ZNF276: variants seen among roughly 807,000 people sequenced by gnomAD.
The protein encoded by ZNF276 is zinc finger protein 276, also known as centromere protein Z.
Under a neutral mutation model 63.9 loss-of-function variants are expected in ZNF276, and 59 were observed. The observed-to-expected ratio is 0.92, with a 90% CI of 0.75 to 1.15. The LOEUF (loss-of-function observed/expected upper bound fraction) is 1.15. Among genes scored for constraint, ZNF276 ranks in the 50% most tolerant of loss-of-function variants. The pLI is 0.00. For missense variants in ZNF276, 1,084 were observed against 843.8 expected, an observed-to-expected ratio of 1.28 and a Z score of -3.53; for synonymous variants, 496 against 348.4, an observed-to-expected ratio of 1.42 and a Z score of -4.72.
intron 6 of ZNF276, among the ~76,000 whole-genome samples, chr16:89,729,634 C>G (rs1046154481): frequency 3.3e-5 from 5 of 152,176 alleles, no homozygotes; most frequent in Non-Finnish European, 5.9e-5. Flanking sequence ...GAGGCTCTTA[C>G]GTCCCTTCTG....
At chr16:89,736,551 G>C (rs1388677117) in intron 9 of ZNF276, among the ~76,000 whole-genome samples, 1 of 129,228 alleles carries the variant, frequency 7.7e-6, no homozygotes. Flanking sequence ...GGCTGGTCTT[G>C]AACTGACTTC....
rs572331148 is a variant in ZNF276 at position 89,735,271 on chromosome 16, G to A, written c.1474+1233G>A. Among the ~76,000 whole-genome samples the A allele has an allele frequency of 8.0e-5, 12 of 150,614 alleles. No homozygotes were observed. In the East Asian group the frequency reaches 2.3e-3, roughly 29 times the overall value. On this transcript the variant is annotated intron_variant, in intron 9 of 10. Transcript: ENST00000443381. Reference sequence around the variant, plus strand: ...GGCTAACTTCGGGACTTCAGTATGAGCAGATTTTGGTAAGGGGTGGGGGGG... The same window carrying A: ...GGCTAACTTCGGGACTTCAGTATGAACAGATTTTGGTAAGGGGTGGGGGGG...
At position 89,740,742 on chromosome 16, in the gene ZNF276, C is replaced by T. The variant is rs2062111823; in HGVS notation, c.*2496C>T. ...GAAACCCTGACTTGGAAGCTGGCTG[C>T]CTGGTGCCCCTGCCTGGCCCACAGT... On this transcript the variant is annotated 3_prime_UTR_variant, in exon 11 of 11. Transcript: ENST00000443381. 1 of 1,442,456 alleles carries T rather than the reference C, an allele frequency of 6.9e-7. No homozygotes were observed. The allele number at this position is 1,442,456 out of a possible 1,614,324, so 89.4% of individuals were successfully genotyped here.
At chr16:89,735,361 A>AACTT (rs534395821) in intron 9 of ZNF276, among the ~76,000 whole-genome samples, 60 of 152,238 alleles carry the variant, frequency 3.9e-4, no homozygotes, top group African/African-American at 1.3e-3. Context: ...CTTGGTTTTG[A>AACTT]ACTTATTACA....
chr16:89,723,296 G>C lies in ZNF276; in HGVS notation c.593G>C (p.Gly198Ala). 1 of 1,613,024 alleles carries C rather than the reference G, an allele frequency of 6.2e-7. No homozygotes were observed. Among genetic ancestry groups the C allele is most frequent in the Non-Finnish European group, 8.5e-7 (1 of 1,180,004 alleles). The change falls in exon 4 of 11, where the codon GGC (glycine) becomes GCC (alanine). Residue 198 changes from glycine (G) to alanine (A), a missense_variant. By Grantham distance (60) the Gly-to-Ala change is moderately conservative. Transcript: ENST00000443381. ...ACATCCAGCCCCCAGTGCCTGCACG[G>C]CTTGGTGGGGTGGGTGCATGGACAT... ...LITSSPQCLHGLVGWVHGHAA... is the reference protein window; with the variant it reads ...LITSSPQCLHALVGWVHGHAA...
rs2151716800 is a variant in ZNF276, at chr16:89,740,837, CAAG to C, written c.*2592_*2594del. 6.2e-7 allele frequency: 1 copy of C among 1,613,522 alleles called. No homozygotes were observed. Among genetic ancestry groups the C allele is most frequent in the Non-Finnish European group, 8.5e-7 (1 of 1,179,736 alleles). On this transcript the variant is annotated 3_prime_UTR_variant, in exon 11 of 11. Coordinates refer to ENST00000443381, the MANE Select transcript of ZNF276 (RefSeq NM_001113525.2). ...TCAGATGTGACGACAGCAGGCCCAT[CAAG>C]GAGAAGAAGAAAAGGAAAACCAATA...
chr16:89,727,496 G>T (rs2061503598), intron 5 of ZNF276, 139 bp downstream of exon 5: 4 of 963,056 alleles, frequency 4.2e-6, no homozygotes, highest in Non-Finnish European at 4.7e-6. Flanking sequence ...CGTAGGGTCG[G>T]CTGCCCATGC....
In ZNF276 at chr16:89,740,506, C is replaced by CA. The variant is rs1405666660; in HGVS notation, c.*2261dup. 1.2e-5 allele frequency: 6 copies of CA among 489,148 alleles called. No homozygotes were observed. The highest frequency in any genetic ancestry group is 3.7e-5 in the East Asian group (1 of 26,784). 30.3% of individuals were successfully genotyped at this position (489,148 alleles called of 1,614,324 possible). ...AAAAATTAGCCGGGTGTGACAGACT[C>CA]ACGCCTGTAATCCCAGCTACTCGGG... On this transcript the variant is annotated 3_prime_UTR_variant, in exon 11 of 11. Coordinates refer to ENST00000443381, the MANE Select transcript of ZNF276 (RefSeq NM_001113525.2).
rs780166209 is a variant in ZNF276 at position 89,733,284 on chromosome 16, G to A, written c.1170-18G>A. ...TGGAGATCAGAAACCATTGAATTTGGGAACCTCTTTTTTTCAGAGTCTCTG... is the reference window on the plus strand; with the variant it reads ...TGGAGATCAGAAACCATTGAATTTGAGAACCTCTTTTTTTCAGAGTCTCTG... On this transcript the variant is annotated intron_variant, in intron 6 of 10. Coordinates refer to ENST00000443381, the MANE Select transcript of ZNF276 (RefSeq NM_001113525.2). The A allele has an allele frequency of 6.2e-7, 1 of 1,604,822 alleles. No individual in the cohort carries two copies. The highest frequency in any genetic ancestry group is 8.5e-7 in the Non-Finnish European group (1 of 1,174,564).
rs1167273749 is a variant in ZNF276, at chr16:89,723,617, C to T, written c.914C>T (p.Thr305Met). Residue 305 changes from threonine to methionine, a missense_variant, in exon 4 of 11, where the codon ACG (threonine) becomes ATG (methionine). Thr to Met is a moderately conservative substitution (Grantham distance 81, BLOSUM62 -1). Coordinates refer to ENST00000443381, the MANE Select transcript of ZNF276 (RefSeq NM_001113525.2). ...VGAETKTLPS[T>M]DVAQPPSDSD... is the part of the protein sequence containing the mutation. ...GCTGAGACCAAGACCCTGCCCAGCA[C>T]GGATGTGGCCCAGCCTCCTTCGGAC... is the stretch of plus-strand genomic sequence containing the variant. 8.1e-6 allele frequency: 13 copies of T among 1,612,666 alleles called. No homozygotes were observed. Among genetic ancestry groups the T allele is most frequent in the Admixed American group, 6.7e-5 (4 of 60,000 alleles).
In ZNF276 at chr16:89,738,783, AAT is replaced by A. The variant is rs1567591489; in HGVS notation, c.*539_*540del. The stretch of plus-strand genomic sequence containing the variant: ...ACCACAGGGGAGGGGCTCTGGCAGA[AAT>A]AGTCGAGTTGTATTGCCAGCCAGGC... On this transcript the variant is annotated 3_prime_UTR_variant, in exon 11 of 11. Transcript: ENST00000443381. 3 of 1,612,900 alleles carry A rather than the reference AAT, an allele frequency of 1.9e-6. No individual in the cohort carries two copies. The highest frequency in any genetic ancestry group is 2.2e-5 in the South Asian group (2 of 90,986).
chr16:89,739,296 G>A lies in ZNF276; in HGVS notation c.*1050G>A, dbSNP rs1463777596. On this transcript the variant is annotated 3_prime_UTR_variant, in exon 11 of 11. Transcript: ENST00000443381. ...ATGGAAGTAGGAGAGAAGACTAGAG[G>A]TAAAGACATAGTGACAAATGGCTAC... The A allele has an allele frequency of 5.0e-6, 8 of 1,614,136 alleles. No homozygotes were observed. Among genetic ancestry groups the A allele is most frequent in the East Asian group, 2.2e-5 (1 of 44,894 alleles).
At position 89,723,293 on chromosome 16, in the gene ZNF276, A is replaced by C. The variant is rs944565420; in HGVS notation, c.590A>C (p.His197Pro). Residue 197 changes from histidine to proline, a missense_variant, in exon 4 of 11, where the codon CAC (histidine) becomes CCC (proline). Transcript: ENST00000443381. ...DLITSSPQCL[H>P]GLVGWVHGHA... Reference sequence around the variant, plus strand: ...ATCACATCCAGCCCCCAGTGCCTGCACGGCTTGGTGGGGTGGGTGCATGGA... The same window carrying C: ...ATCACATCCAGCCCCCAGTGCCTGCCCGGCTTGGTGGGGTGGGTGCATGGA... 9 of 1,612,882 alleles carry C rather than the reference A, an allele frequency of 5.6e-6. No individual in the cohort carries two copies. The highest frequency in any genetic ancestry group is 2.7e-5 in the African/African-American group (2 of 74,944).
chr16:89,737,958 T>TCTG lies in ZNF276; in HGVS notation c.1575-16_1575-14dup, dbSNP rs778989022. On this transcript the variant is annotated splice_polypyrimidine_tract_variant and intron_variant, in intron 10 of 10. Transcript: ENST00000443381. ...GGGCTGTGGCCCTCGCACCTTCTTATCTGCCTCTGTCCCCCAGGTGTGAGG... is the reference window on the plus strand; with the variant it reads ...GGGCTGTGGCCCTCGCACCTTCTTATCTGCTGCCTCTGTCCCCCAGGTGTGAGG... The TCTG allele has an allele frequency of 1.2e-5, 20 of 1,614,116 alleles. No individual in the cohort carries two copies. The South Asian group carries it at 2.1e-4, about 17-fold the overall frequency.
chr16:89,722,723 C>T lies in ZNF276; in HGVS notation c.398C>T (p.Pro133Leu). Residue 133 changes from proline (P) to leucine (L), a missense_variant, in exon 2 of 11, where the codon CCG becomes CTG. Physicochemically the swap from Pro to Leu is moderately conservative, Grantham distance 98 (BLOSUM62 -3). Coordinates refer to ENST00000443381, the MANE Select transcript of ZNF276 (RefSeq NM_001113525.2). ...GTCCGCCAGGACCCCACCTTGTCTC[C>T]GTTTGTCTGCAAGAGCTGCCACGCC... Reference protein sequence around the residue: ...VAVRQDPTLSPFVCKSCHAQF... With the variant: ...VAVRQDPTLSLFVCKSCHAQF... The T allele has an allele frequency of 6.2e-7, 1 of 1,612,260 alleles. No individual in the cohort carries two copies. The highest frequency in any genetic ancestry group is 8.5e-7 in the Non-Finnish European group (1 of 1,180,034).
At chr16:89,724,788 T>G (rs939354780) in intron 4 of ZNF276, among the ~76,000 whole-genome samples, 3 of 152,202 alleles carry the variant, frequency 2.0e-5, no homozygotes, top group Admixed American at 2.0e-4. Flanking sequence ...GTATGCAGTG[T>G]GTTGAGAACA....
chr16:89,722,693 T>C lies in ZNF276; in HGVS notation c.368T>C (p.Val123Ala). ...CGGGACTTCCAGCGCCTGCTTGGTG[T>C]GGCTGTCCGCCAGGACCCCACCTTG... ...LVRDFQRLLG[V>A]AVRQDPTLSP... The change falls in exon 2 of 11, where the codon GTG becomes GCG. Residue 123 changes from valine (V) to alanine (A), a missense_variant. Coordinates refer to ENST00000443381, the MANE Select transcript of ZNF276 (RefSeq NM_001113525.2). The C allele has an allele frequency of 6.2e-7, 1 of 1,612,458 alleles. No individual in the cohort carries two copies. Among genetic ancestry groups the C allele is most frequent in the Non-Finnish European group, 8.5e-7 (1 of 1,180,032 alleles).
In ZNF276 at chr16:89,740,771, AGAG is replaced by A; in HGVS notation, c.*2528_*2530del. On this transcript the variant is annotated 3_prime_UTR_variant, in exon 11 of 11. Coordinates refer to ENST00000443381, the MANE Select transcript of ZNF276 (RefSeq NM_001113525.2). Reference sequence around the variant, plus strand: ...GTGCCCCTGCCTGGCCCACAGTGGGAGAGGACACCTTGGCTGGTAAGGTCTGAC... The same window carrying A: ...GTGCCCCTGCCTGGCCCACAGTGGGAGACACCTTGGCTGGTAAGGTCTGAC... 8 of 1,600,908 alleles carry A rather than the reference AGAG, an allele frequency of 5.0e-6. No individual in the cohort carries two copies. Among genetic ancestry groups the A allele is most frequent in the Non-Finnish European group, 6.8e-6 (8 of 1,169,326 alleles).
chr16:89,729,458 C>T (rs779137905), intron 6 of ZNF276, 140 bp downstream of exon 6: 2 of 752,062 alleles, frequency 2.7e-6, no homozygotes, highest in Non-Finnish European at 4.4e-6. Flanking sequence ...AACGTGGCTT[C>T]CCTCAGTGAG....
Sources: allele counts gnomAD v4.1 joint callset (sites outside exome capture counted in the v4.1 genomes callset), GRCh38; gene constraint gnomAD v4.1.1; transcripts MANE v1.5; gene names NCBI Gene and HGNC (gene_info 2026-07-23, HGNC 2026-07-21).